Variants in WDPCP observed in about 807,000 individuals in gnomAD.
The protein encoded by WDPCP is WD repeat containing planar cell polarity effector.
A neutral mutation model predicts 93.1 loss-of-function variants in WDPCP; 71 were observed. That is an observed-to-expected ratio of 0.76 (90% CI 0.63 to 0.93). WDPCP has a LOEUF of 0.93. WDPCP is among the 40% of genes least tolerant of loss of function. The pLI, the probability that WDPCP is intolerant of heterozygous loss-of-function variation, is 0.00. For missense variants in WDPCP, 844 were observed against 887.4 expected (o/e 0.95, Z 0.62); for synonymous variants, 315 against 315.0 (o/e 1.00, Z 0.00).
At chr2:63,820,245 T>C (rs1453767390) in intron 1 of WDPCP, among the ~76,000 whole-genome samples, 3 of 152,208 alleles carry the variant, frequency 2.0e-5, no homozygotes, top group Non-Finnish European at 4.4e-5. Context: ...GTTAGGAACA[T>C]TTTAATGTTT....
At chr2:63,486,737 G>T in intron 3 of WDPCP, 151 bp from the exon 4 acceptor site, 1 of 701,800 alleles carries the variant, frequency 1.4e-6, no homozygotes, top group Non-Finnish European at 2.2e-6. Context: ...GGTTCTAAAA[G>T]GACAGTTGAA....
intron 15 of WDPCP, among the ~76,000 whole-genome samples, chr2:63,160,038 C>G (rs1332177383): frequency 6.6e-6 from 1 of 152,184 alleles, no homozygotes; most frequent in Admixed American, 6.5e-5. Context: ...GGAAAACACA[C>G]TAGTAAACTT....
chr2:63,243,201 C>A (rs964490649), intron 14 of WDPCP, among the ~76,000 whole-genome samples: 1 of 152,054 alleles, frequency 6.6e-6, no homozygotes, highest in Non-Finnish European at 1.5e-5. Context: ...TATTGAATGG[C>A]CATCTCTATT....
intron 1 of WDPCP, among the ~76,000 whole-genome samples, chr2:63,513,113 T>C (rs1286822552): frequency 1.3e-5 from 2 of 152,116 alleles, no homozygotes; most frequent in African/African-American, 2.4e-5. Context: ...CTGAGGCTTC[T>C]GAACTTACTT....
chr2:63,772,169 T>C (rs1670239018), intron 2 of WDPCP, among the ~76,000 whole-genome samples: 1 of 152,060 alleles, frequency 6.6e-6, no homozygotes, highest in Non-Finnish European at 1.5e-5. Flanking sequence ...CAACAGTGTA[T>C]AAGCATTCCC....
chr2:63,232,547 A>G (rs1679009867), intron 14 of WDPCP: 1 of 152,418 alleles, frequency 6.6e-6, no homozygotes, highest in East Asian at 1.9e-4. Flanking sequence ...CCTTGAAGTT[A>G]TTGAACTAGA....
In WDPCP at chr2:63,534,966, C is replaced by T. The variant is rs549578681; in HGVS notation, c.76-42026G>A. ...CGATTGTATATTTAGAAAACCCCCT[C>T]GTCTCAGCCCAAAATCTCCTTAAGC... On this transcript the variant is annotated intron_variant, in intron 1 of 17. Transcript: ENST00000272321. Among the ~76,000 whole-genome samples, 34 of 152,304 alleles carry T rather than the reference C, an allele frequency of 2.2e-4. 1 individual carries two copies. In the East Asian group the frequency reaches 5.6e-3, roughly 25 times the overall value.
At chr2:63,693,749 G>A (rs1307343485) in intron 2 of WDPCP, among the ~76,000 whole-genome samples, 2 of 152,298 alleles carry the variant, frequency 1.3e-5, no homozygotes, top group Non-Finnish European at 1.5e-5. Context: ...ATAAGTTGTT[G>A]CTAACAACCC....
intron 14 of WDPCP, among the ~76,000 whole-genome samples, chr2:63,189,365 C>G (rs554344307): frequency 6.6e-6 from 1 of 152,190 alleles, no homozygotes; most frequent in South Asian, 2.1e-4. Flanking sequence ...CTCTCTTACC[C>G]TCTCAGGCAC....
chr2:63,573,934 C>T (rs1049009412), intron 1 of WDPCP, among the ~76,000 whole-genome samples: 2 of 152,108 alleles, frequency 1.3e-5, no homozygotes, highest in African/African-American at 2.4e-5. Context: ...CCCAGTCTCC[C>T]GTAGCACTCC....
At chr2:63,327,039 A>C (rs1399907844) in intron 12 of WDPCP, among the ~76,000 whole-genome samples, 1 of 151,762 alleles carries the variant, frequency 6.6e-6, no homozygotes, top group Non-Finnish European at 1.5e-5. Flanking sequence ...GTTTCCTAAC[A>C]GGGGATCTAA....
intron 6 of WDPCP, among the ~76,000 whole-genome samples, chr2:63,461,693 C>A (rs1419772979): frequency 1.3e-5 from 2 of 152,082 alleles, no homozygotes; most frequent in Non-Finnish European, 2.9e-5. Flanking sequence ...TTTTAAAATT[C>A]AAATTATTGA....
chr2:63,671,184 A>C (rs1349264909), intron 2 of WDPCP, among the ~76,000 whole-genome samples: 1 of 152,124 alleles, frequency 6.6e-6, no homozygotes, highest in African/African-American at 2.4e-5. Flanking sequence ...TGTGCCTACT[A>C]GACCTCCAAC....
At chr2:63,780,078 C>A (rs985283785) in intron 2 of WDPCP, among the ~76,000 whole-genome samples, 1 of 152,142 alleles carries the variant, frequency 6.6e-6, no homozygotes. Flanking sequence ...CTACCTATAA[C>A]CCCCTCACGG....
At chr2:63,399,168 G>C (rs1462639753) in intron 10 of WDPCP, among the ~76,000 whole-genome samples, 1 of 152,134 alleles carries the variant, frequency 6.6e-6, no homozygotes, top group Non-Finnish European at 1.5e-5. Context: ...AAACTTAAGA[G>C]TCATATTGAA....
At chr2:63,453,420 C>T (rs1698397459) in intron 6 of WDPCP, among the ~76,000 whole-genome samples, 1 of 152,108 alleles carries the variant, frequency 6.6e-6, no homozygotes, top group African/African-American at 2.4e-5. Flanking sequence ...GTTAGAATGG[C>T]AATCATTAAA....
intron 3 of WDPCP, among the ~76,000 whole-genome samples, chr2:63,640,309 G>A (rs1355624797): frequency 6.6e-6 from 1 of 152,122 alleles, no homozygotes; most frequent in Non-Finnish European, 1.5e-5. Flanking sequence ...TGCCCGGCCA[G>A]ATGTAATGTT....
At chr2:63,228,387 C>CTTTTTTTTTTTTTTTTTTTTTT in intron 14 of WDPCP, 1 of 110,418 alleles carries the variant, frequency 9.1e-6, no homozygotes, top group Non-Finnish European at 1.9e-5. Flanking sequence ...TTTTCTTTTT[C>CTTTTTTTTTTTTTTTTTTTTTT]TTTTTTTTTT....
At position 63,824,537 on chromosome 2, in the gene WDPCP, CAAAAAAA is replaced by C. The variant is rs70965144; in HGVS notation, n.222+3078_222+3084del. On this transcript the variant is annotated intron_variant and non_coding_transcript_variant, in intron 1 of 4. Transcript: ENST00000467687. The stretch of plus-strand genomic sequence containing the variant: ...CACTCCAGCCTGGGCGACCATGTTT[CAAAAAAA>C]AAAAAAAAAAAAAAAAAAACAGGAA... Among the ~76,000 whole-genome samples, 331 of 85,270 alleles carry C rather than the reference CAAAAAAA, an allele frequency of 3.9e-3. 6 individuals are homozygous for C. Among genetic ancestry groups the C allele is most frequent in the Middle Eastern group, 0.016 (2 of 126 alleles). 55.9% of individuals were successfully genotyped at this position (85,270 alleles called of 152,430 possible). A position where few individuals can be genotyped will look rare whatever the true frequency, so the allele number is the denominator to read the frequency against.
Sources: allele counts gnomAD v4.1 joint callset (sites outside exome capture counted in the v4.1 genomes callset), GRCh38; gene constraint gnomAD v4.1.1; transcripts MANE v1.5; gene names NCBI Gene and HGNC (gene_info 2026-07-23, HGNC 2026-07-21).